Variants in NDUFS2 observed in about 807,000 individuals in gnomAD.
The protein encoded by NDUFS2 is NADH:ubiquinone oxidoreductase core subunit S2, also known as NADH dehydrogenase [ubiquinone] iron-sulfur protein 2, mitochondrial.
Under a neutral mutation model 69.6 loss-of-function variants are expected in NDUFS2, and 38 were observed. The ratio of observed to expected loss-of-function variants is 0.55; its 90% CI spans 0.42 to 0.72. The LOEUF (loss-of-function observed/expected upper bound fraction) is 0.72. Ranked by LOEUF, NDUFS2 falls within the 30% of genes least tolerant of loss-of-function variation. The pLI is 0.00. For missense variants in NDUFS2, 468 were observed against 595.0 expected (o/e 0.79, Z 2.22); for synonymous variants, 194 against 211.2 (o/e 0.92, Z 0.70).
At chr1:161,198,608 T>G, upstream of NDUFS2, 1 of 1,531,812 alleles carries the variant, frequency 6.5e-7, no homozygotes, top group Non-Finnish European at 8.8e-7. The surrounding 1 kb of genome is among the most constrained non-coding windows in gnomAD (Gnocchi z 4.7). Flanking sequence ...CCTCCCGGGA[T>G]GCGAGCCTGT....
rs149789018 is a variant in NDUFS2, at chr1:161,209,480, C to A, written c.515-3C>A. On this transcript the variant is annotated splice_region_variant and splice_polypyrimidine_tract_variant and intron_variant, in intron 4 of 13. Transcript: ENST00000676972. ...ATATCCTGTCTTCTCCTTGTCTTCACAGTGCTGTTTGGAGAAATCACACGT... is the reference window on the plus strand; with the variant it reads ...ATATCCTGTCTTCTCCTTGTCTTCAAAGTGCTGTTTGGAGAAATCACACGT... The A allele has an allele frequency of 4.0e-4, 645 of 1,613,612 alleles. 6 individuals carry two copies. In the East Asian group the frequency reaches 0.014, roughly 35 times the overall value.
chr1:161,200,320 C>T (rs2102023529), upstream of NDUFS2, among the ~76,000 whole-genome samples: 1 of 151,934 alleles, frequency 6.6e-6, no homozygotes, highest in East Asian at 1.9e-4. Context: ...GGAGGGAACT[C>T]GGAAAAGAGG....
intron 1 of NDUFS2, 96 bp from the exon 2 acceptor site, chr1:161,203,341 A>G: frequency 9.8e-7 from 1 of 1,019,150 alleles, no homozygotes; most frequent in Non-Finnish European, 1.5e-6. Context: ...ACAAAAAAAC[A>G]GGTCATCCTT....
At chr1:161,201,259 C>T (rs1665104712), upstream of NDUFS2, among the ~76,000 whole-genome samples, 1 of 152,254 alleles carries the variant, frequency 6.6e-6, no homozygotes, top group African/African-American at 2.4e-5. Context: ...GTCTGGCTTT[C>T]CCCTCTTTCT....
chr1:161,201,356 T>C (rs1331105161), upstream of NDUFS2, among the ~76,000 whole-genome samples: 2 of 152,188 alleles, frequency 1.3e-5, no homozygotes, highest in East Asian at 1.9e-4. Context: ...CCTGGGATCC[T>C]GTCTAGGGGA....
Position 161,213,712 on chromosome 1 carries a change from G to A in NDUFS2, c.1276G>A (p.Ala426Thr). The A allele has an allele frequency of 6.2e-7, 1 of 1,614,168 alleles. No individual in the cohort carries two copies. The highest frequency in any genetic ancestry group is 8.5e-7 in the Non-Finnish European group (1 of 1,180,040). The change falls in exon 12 of 14, where the codon GCT becomes ACT. Residue 426 changes from alanine to threonine, a missense_variant. Around this residue, in one of 3 missense-constraint regions of NDUFS2, gnomAD observed 72 missense variants for 118.9 expected, o/e 0.61. Coordinates refer to ENST00000676972, the MANE Select transcript of NDUFS2 (RefSeq NM_001377299.1). ...CCGCCCTTATCGATGCAAGATCAAG[G>A]CTCCTGGTTTTGCCCATCTGGTAAG... ...SSRPYRCKIKAPGFAHLAGLD... is the reference protein window; with the variant it reads ...SSRPYRCKIKTPGFAHLAGLD...
chr1:161,210,667 G>A lies in NDUFS2; in HGVS notation c.943G>A (p.Glu315Lys), dbSNP rs747678129. ...TQPYDVYDQV[E>K]FDVPVGSRGD... ...GCCCTATGATGTTTACGACCAGGTT[G>A]AGTTTGATGTTCCTGTTGGTTCTCG... is the stretch of plus-strand genomic sequence containing the variant. The change falls in exon 9 of 14, where the codon GAG becomes AAG. Residue 315 changes from glutamate (E) to lysine (K), a missense_variant. By Grantham distance (56) the Glu-to-Lys change is moderately conservative (BLOSUM62 1). This residue lies in a region of NDUFS2 where 339 missense variants were observed against 433.8 expected (regional missense o/e 0.78). Transcript: ENST00000676972. The A allele has an allele frequency of 1.2e-6, 2 of 1,614,112 alleles. No homozygotes were observed. Among genetic ancestry groups the A allele is most frequent in the South Asian group, 1.1e-5 (1 of 91,068 alleles).
intron 3 of NDUFS2, among the ~76,000 whole-genome samples, chr1:161,208,531 C>T (rs1571612943): frequency 1.3e-5 from 2 of 152,290 alleles, no homozygotes; most frequent in Middle Eastern, 3.4e-3. Context: ...AACTCCTGAC[C>T]TCAGGTGATC....
rs1256272453 is a variant in NDUFS2, at chr1:161,210,714, AG to A, written c.986+6del. On this transcript the variant is annotated splice_donor_5th_base_variant and intron_variant, in intron 9 of 13. Transcript: ENST00000676972. The stretch of plus-strand genomic sequence containing the variant: ...CTCGAGGGGACTGCTATGATAGGTA[AG>A]GCCCCAATCCTTTCTTGGCTGATAT... 1 of 1,613,936 alleles carries A rather than the reference AG, an allele frequency of 6.2e-7. No homozygotes were observed. The highest frequency in any genetic ancestry group is 1.7e-5 in the Admixed American group (1 of 60,004).
At chr1:161,203,196 C>CTCAG (rs1665251035) in intron 1 of NDUFS2, among the ~76,000 whole-genome samples, 1 of 152,114 alleles carries the variant, frequency 6.6e-6, no homozygotes, top group Non-Finnish European at 1.5e-5. Flanking sequence ...ATCTCAGCTA[C>CTCAG]TTGGGAGGCT....
intron 8 of NDUFS2, 73 bp from the exon 9 acceptor site, chr1:161,210,518 G>A (rs1665712483): frequency 1.2e-6 from 2 of 1,610,362 alleles, no homozygotes; most frequent in African/African-American, 1.3e-5. Context: ...ATCAACAAGG[G>A]AGGCTAAGGA....
chr1:161,209,056 G>A (rs765752048), intron 3 of NDUFS2, 137 bp from the exon 4 acceptor site: 6 of 1,148,120 alleles, frequency 5.2e-6, no homozygotes, highest in Non-Finnish European at 7.7e-6. Context: ...ATTTTTACCT[G>A]CCTTGTTGGG....
intron 3 of NDUFS2, among the ~76,000 whole-genome samples, chr1:161,207,618 G>T (rs1342951855): frequency 6.6e-6 from 1 of 151,674 alleles, no homozygotes; most frequent in South Asian, 2.1e-4. Flanking sequence ...GCCAGACGTG[G>T]TGGTGTGCGC....
At chr1:161,210,004 T>C in intron 6 of NDUFS2, 73 bp downstream of exon 6, 1 of 1,601,354 alleles carries the variant, frequency 6.2e-7, no homozygotes, top group Non-Finnish European at 8.6e-7. Flanking sequence ...AGGGCAGTGC[T>C]GGATGATGGA....
intron 1 of NDUFS2, 28 bp downstream of exon 1, chr1:161,202,508 C>G: frequency 2.5e-6 from 4 of 1,591,958 alleles, no homozygotes; most frequent in African/African-American, 1.3e-5. Flanking sequence ...TCTCGACACA[C>G]TTTCTCCAAG....
intron 2 of NDUFS2, among the ~76,000 whole-genome samples, chr1:161,204,674 G>A (rs1250676286): frequency 1.3e-5 from 2 of 152,110 alleles, no homozygotes; most frequent in Non-Finnish European, 2.9e-5. Flanking sequence ...CTTACCATTT[G>A]CCAAACATTT....
rs927991748 is a variant in NDUFS2 at position 161,213,918 on chromosome 1, A to T, written c.1351A>T (p.Ile451Leu). ...CATGTTGGCAGATGTCGTTGCCATC[A>T]TAGGTACGAGGCCTATTGTGTAGTA... is the stretch of plus-strand genomic sequence containing the variant. The part of the protein sequence containing the change: ...GHMLADVVAI[I>L]GTQDIVFGEV... The change falls in exon 13 of 14, where the codon ATA becomes TTA. Residue 451 changes from isoleucine (I) to leucine (L), a missense_variant. Coordinates refer to ENST00000676972, the MANE Select transcript of NDUFS2 (RefSeq NM_001377299.1). The T allele has an allele frequency of 2.5e-6, 4 of 1,614,214 alleles. No homozygotes were observed. The highest frequency in any genetic ancestry group is 3.4e-6 in the Non-Finnish European group (4 of 1,180,034).
In NDUFS2 at chr1:161,206,588, C is replaced by A. The variant is rs1362492922; in HGVS notation, c.384C>A (p.Thr128=). 6.2e-7 allele frequency: 1 copy of A among 1,613,264 alleles called. No homozygotes were observed. The highest frequency in any genetic ancestry group is 1.7e-5 in the Admixed American group (1 of 60,002). ...RGTEKLIEYK[T]YLQALPYFDR... ...CTGAGAAGCTCATTGAATACAAGAC[C>A]TATCTTCAGGTGTGGGGGGTGAACA... is the stretch of plus-strand genomic sequence containing the variant. The change falls in exon 3 of 14, where the codon ACC becomes ACA. Residue 128 remains threonine (T), a synonymous_variant. Coordinates refer to ENST00000676972, the MANE Select transcript of NDUFS2 (RefSeq NM_001377299.1).
At chr1:161,206,175 AAAG>A (rs1665449486) in intron 2 of NDUFS2, among the ~76,000 whole-genome samples, 1 of 152,222 alleles carries the variant, frequency 6.6e-6, no homozygotes, top group Non-Finnish European at 1.5e-5. Context: ...TGAAAAAAAA[AAAG>A]GTATTCTAGG....
Sources: gnomAD v4.1 joint callset for allele counts (sites outside exome capture counted in the v4.1 genomes callset) on GRCh38, gnomAD v4.1.1 for gene constraint, gnomAD v4.1.1 regional missense constraint, Gnocchi (gnomAD v3.1) non-coding constraint, MANE v1.5 for transcripts, NCBI Gene and HGNC (gene_info 2026-07-23, HGNC 2026-07-21) for gene names.